Variants in KCNIP4 observed in about 807,000 individuals in gnomAD.
KCNIP4 encodes the protein potassium voltage-gated channel interacting protein 4.
In KCNIP4, 12 loss-of-function variants were observed where a neutral mutation model predicts 34.0. The observed-to-expected ratio is 0.35, with a 90% CI of 0.23 to 0.57. The LOEUF is 0.57. KCNIP4 is among the 20% of genes least tolerant of loss of function. The pLI is 0.83. For missense variants in KCNIP4, 238 were observed against 311.7 expected (o/e 0.76, Z 1.78); for synonymous variants, 124 against 102.2 (o/e 1.21, Z -1.29).
intron 3 of KCNIP4, among the ~76,000 whole-genome samples, chr4:20,820,240 T>A (rs2149444163): frequency 1.3e-5 from 2 of 152,244 alleles, no homozygotes; most frequent in Middle Eastern, 6.8e-3. Context: ...GATGAGGCCT[T>A]AGATGGAAAT....
At chr4:21,659,580 C>G (rs1182185166) in intron 1 of KCNIP4, among the ~76,000 whole-genome samples, 1 of 152,114 alleles carries the variant, frequency 6.6e-6, no homozygotes, top group Admixed American at 6.5e-5. Flanking sequence ...ACCATTTCTT[C>G]ATCTAGAGAT....
At chr4:21,019,578 A>G (rs1739862854) in intron 1 of KCNIP4, among the ~76,000 whole-genome samples, 1 of 152,196 alleles carries the variant, frequency 6.6e-6, no homozygotes, top group Admixed American at 6.5e-5. Context: ...AATTTAGCCC[A>G]TAGCACCACC....
At chr4:20,831,155 T>A (rs1343376666) in intron 3 of KCNIP4, among the ~76,000 whole-genome samples, 4 of 152,188 alleles carry the variant, frequency 2.6e-5, no homozygotes, top group Admixed American at 6.6e-5. Context: ...TCTATTCCAT[T>A]GGAAGGGCTC....
chr4:21,295,586 G>A (rs918559618), intron 1 of KCNIP4, among the ~76,000 whole-genome samples: 1 of 152,060 alleles, frequency 6.6e-6, no homozygotes, highest in Non-Finnish European at 1.5e-5. Flanking sequence ...CTTCTAACCA[G>A]AGTCTCTTGT....
intron 1 of KCNIP4, among the ~76,000 whole-genome samples, chr4:21,007,285 C>T (rs557774465): frequency 1.1e-4 from 17 of 152,056 alleles, no homozygotes; most frequent in Admixed American, 5.2e-4. Flanking sequence ...CCGTATATGG[C>T]GGAACCTGTA....
At chr4:21,813,083 CAA>C (rs1362552160) in intron 1 of KCNIP4, among the ~76,000 whole-genome samples, 1 of 152,140 alleles carries the variant, frequency 6.6e-6, no homozygotes, top group African/African-American at 2.4e-5. Context: ...CCATAATCTG[CAA>C]AGTTTCCTGA....
chr4:21,347,288 C>A (rs1717542676), intron 1 of KCNIP4, among the ~76,000 whole-genome samples: 1 of 152,162 alleles, frequency 6.6e-6, no homozygotes, highest in Non-Finnish European at 1.5e-5. Context: ...ACCAAAGGAG[C>A]AGGCAATGCT....
chr4:21,231,820 C>T (rs1017410428), intron 1 of KCNIP4, among the ~76,000 whole-genome samples: 4 of 152,046 alleles, frequency 2.6e-5, no homozygotes, highest in African/African-American at 9.7e-5. Context: ...ATTGCAATAA[C>T]ATTAATAATT....
chr4:20,929,155 C>A (rs1730186199), intron 1 of KCNIP4, among the ~76,000 whole-genome samples: 1 of 151,702 alleles, frequency 6.6e-6, no homozygotes, highest in South Asian at 2.1e-4. Flanking sequence ...AAACAAAATT[C>A]AACATCACAT....
intron 1 of KCNIP4, among the ~76,000 whole-genome samples, chr4:20,929,004 G>GA (rs1449363976): frequency 6.6e-6 from 1 of 151,864 alleles, no homozygotes; most frequent in Non-Finnish European, 1.5e-5. Flanking sequence ...CCAACAAATA[G>GA]AGATAGAAGA....
intron 1 of KCNIP4, among the ~76,000 whole-genome samples, chr4:21,501,248 T>TCTCACACACACACACACACACACACA: frequency 9.6e-6 from 1 of 104,292 alleles, no homozygotes. Context: ...TCTCTCTCTC[T>TCTCACACACACACACACACACACACA]CACACACACA....
intron 1 of KCNIP4, among the ~76,000 whole-genome samples, chr4:21,462,922 G>A (rs1485457398): frequency 6.6e-6 from 1 of 151,044 alleles, no homozygotes; most frequent in African/African-American, 2.4e-5. Context: ...AAATGTTAAT[G>A]AACATTTAGG....
At chr4:21,868,565 G>C (rs1486396394) in intron 1 of KCNIP4, among the ~76,000 whole-genome samples, 1 of 152,140 alleles carries the variant, frequency 6.6e-6, no homozygotes, top group Non-Finnish European at 1.5e-5. Flanking sequence ...TCTAGTATTT[G>C]ATAGCTAACA....
At chr4:21,757,099 AAAAGAAAGAAAGAAAGAAAGAAAG>A (rs1240357604) in intron 1 of KCNIP4, among the ~76,000 whole-genome samples, 1 of 109,794 alleles carries the variant, frequency 9.1e-6, no homozygotes, top group Admixed American at 1.2e-4. Flanking sequence ...CTGTCTCAAA[AAAAGAAAGAAAGAAAGAAAGAAAG>A]AAAGAAAGAA....
At chr4:20,968,413 G>A (rs973653177) in intron 1 of KCNIP4, among the ~76,000 whole-genome samples, 18 of 151,992 alleles carry the variant, frequency 1.2e-4, no homozygotes, top group Non-Finnish European at 2.4e-4. Flanking sequence ...TTGACCCAAC[G>A]ATCCCATTAC....
In KCNIP4 at chr4:21,459,598, C is replaced by T. The variant is rs551687511; in HGVS notation, c.61+488973G>A. 7.2e-5 allele frequency among the ~76,000 whole-genome samples: 11 copies of T among 152,148 alleles called. No homozygotes were observed. The East Asian group carries it at 1.9e-3, about 27-fold the overall frequency. The stretch of plus-strand genomic sequence containing the variant: ...CCAGACTCATACATCCAATTGCCTG[C>T]TTGGCAACTCTGTTGGGTATCTCAA... On this transcript the variant is annotated intron_variant, in intron 1 of 8. Coordinates refer to ENST00000382152, the MANE Select transcript of KCNIP4 (RefSeq NM_025221.6).
intron 1 of KCNIP4, among the ~76,000 whole-genome samples, chr4:21,655,906 A>C (rs1054039386): frequency 6.6e-6 from 1 of 152,202 alleles, no homozygotes; most frequent in Admixed American, 6.5e-5. Context: ...CTGCCACCTT[A>C]CTAGTGGGTA....
At chr4:21,785,649 A>G (rs941921202) in intron 1 of KCNIP4, among the ~76,000 whole-genome samples, 1 of 151,284 alleles carries the variant, frequency 6.6e-6, no homozygotes, top group Non-Finnish European at 1.5e-5. Flanking sequence ...ATTATCCCCA[A>G]TCCTCCCTTT....
intron 1 of KCNIP4, among the ~76,000 whole-genome samples, chr4:21,634,223 C>CAAAAAAA (rs376741978): frequency 2.7e-5 from 3 of 112,514 alleles, no homozygotes; most frequent in Non-Finnish European, 5.5e-5. Flanking sequence ...GTTCTTTCCT[C>CAAAAAAA]AAAAAAAAAA....
Sources: allele counts gnomAD v4.1 joint callset (sites outside exome capture counted in the v4.1 genomes callset), GRCh38; gene constraint gnomAD v4.1.1; transcripts MANE v1.5; gene names NCBI Gene and HGNC (gene_info 2026-07-23, HGNC 2026-07-21).